PITPNC1: variants seen among roughly 807,000 people sequenced by gnomAD.
The protein encoded by PITPNC1 is cytoplasmic phosphatidylinositol transfer protein 1.
PITPNC1 carries 18 observed loss-of-function variants against 44.7 expected under a neutral mutation model. The ratio of observed to expected loss-of-function variants is 0.40; its 90% confidence interval spans 0.28 to 0.60. The LOEUF is 0.60. Ranked by LOEUF, PITPNC1 falls within the 20% of genes least tolerant of loss-of-function variation. The pLI, the probability that PITPNC1 is intolerant of heterozygous loss-of-function variation, is 0.39. For missense variants in PITPNC1, 290 were observed against 418.4 expected (o/e 0.69, Z 2.68); for synonymous variants, 141 against 149.6 (o/e 0.94, Z 0.42).
At chr17:67,659,196 G>T (rs1185653619) in intron 6 of PITPNC1, among the ~76,000 whole-genome samples, 1 of 152,114 alleles carries the variant, frequency 6.6e-6, no homozygotes, top group Non-Finnish European at 1.5e-5. Flanking sequence ...GATGTGTTTT[G>T]TTACCTGTTG....
chr17:67,439,011 GGCAGTA>G (rs1483334293), intron 1 of PITPNC1, among the ~76,000 whole-genome samples: 2 of 152,166 alleles, frequency 1.3e-5, no homozygotes, highest in Non-Finnish European at 2.9e-5. Context: ...AGGTCCAAAT[GGCAGTA>G]GCTTATTGGT....
intron 1 of PITPNC1, among the ~76,000 whole-genome samples, chr17:67,393,184 A>C (rs905312998): frequency 3.3e-5 from 5 of 151,986 alleles, no homozygotes; most frequent in African/African-American, 7.2e-5. Context: ...AACATTTGCC[A>C]TCTTAAAACT....
intron 1 of PITPNC1, among the ~76,000 whole-genome samples, chr17:67,432,247 T>C (rs568107438): frequency 1.3e-5 from 2 of 152,292 alleles, no homozygotes; most frequent in East Asian, 3.9e-4. Context: ...CCCAGCACTT[T>C]GGGAGGCCAA....
At chr17:67,388,179 A>G (rs368771211) in intron 1 of PITPNC1, among the ~76,000 whole-genome samples, 2 of 152,176 alleles carry the variant, frequency 1.3e-5, no homozygotes, top group East Asian at 3.8e-4. Context: ...ATTCTTTTGT[A>G]TTTAATACAT....
intron 1 of PITPNC1, among the ~76,000 whole-genome samples, chr17:67,401,413 T>C (rs2038309128): frequency 6.6e-6 from 1 of 152,172 alleles, no homozygotes. Context: ...CCTCTATGAT[T>C]TTCCACTTTG....
Position 67,568,729 on chromosome 17 carries a change from G to A in PITPNC1, c.295-9457G>A, listed in dbSNP as rs1015947556. Reference sequence around the variant, plus strand: ...GGGGGTGGGCTCCCAGAATATACCAGCTTACTGAAAGCGAGGCATCGGGAG... The same window carrying A: ...GGGGGTGGGCTCCCAGAATATACCAACTTACTGAAAGCGAGGCATCGGGAG... On this transcript the variant is annotated intron_variant, in intron 4 of 8. Coordinates refer to ENST00000581322, the MANE Select transcript of PITPNC1 (RefSeq NM_012417.4). 2.4e-4 allele frequency among the ~76,000 whole-genome samples: 36 copies of A among 152,030 alleles called. 1 individual carries two copies. The highest frequency in any genetic ancestry group is 8.7e-4 in the African/African-American group (36 of 41,368).
intron 5 of PITPNC1, among the ~76,000 whole-genome samples, chr17:67,595,591 C>G (rs1038741850): frequency 6.6e-6 from 1 of 152,102 alleles, no homozygotes; most frequent in Non-Finnish European, 1.5e-5. Context: ...CCATCTGCTC[C>G]CCTACTTGTA....
At chr17:67,691,480 C>T (rs945449191) in intron 8 of PITPNC1, among the ~76,000 whole-genome samples, 15 of 152,068 alleles carry the variant, frequency 9.9e-5, no homozygotes, top group African/African-American at 3.4e-4. Flanking sequence ...TTAAATGATC[C>T]TCTCCTTTCA....
At chr17:67,603,540 G>T (rs1177590546) in intron 5 of PITPNC1, among the ~76,000 whole-genome samples, 1 of 152,190 alleles carries the variant, frequency 6.6e-6, no homozygotes, top group East Asian at 1.9e-4. Context: ...CAGCTAGCAA[G>T]TGTCAGATCT....
intron 5 of PITPNC1, among the ~76,000 whole-genome samples, chr17:67,608,257 C>CA (rs763822573): frequency 0.038 from 4,762 of 124,372 alleles, 256 homozygotes; most frequent in African/African-American, 0.13. Flanking sequence ...CAAAAAAAAA[C>CA]AAAAAAAAAA....
At chr17:67,511,239 C>T (rs530870701) in intron 1 of PITPNC1, among the ~76,000 whole-genome samples, 6 of 152,086 alleles carry the variant, frequency 3.9e-5, no homozygotes, top group African/African-American at 1.4e-4. Flanking sequence ...ATTTATCTAA[C>T]GGATCCCATT....
intron 1 of PITPNC1, among the ~76,000 whole-genome samples, chr17:67,432,453 G>T (rs544293832): frequency 1.3e-5 from 2 of 152,116 alleles, no homozygotes; most frequent in African/African-American, 4.8e-5. Flanking sequence ...GCAGTGAGCC[G>T]AGATTGCACC....
chr17:67,686,015 G>A (rs575766999), intron 8 of PITPNC1, among the ~76,000 whole-genome samples: 6 of 151,888 alleles, frequency 4.0e-5, no homozygotes, highest in African/African-American at 1.5e-4. Context: ...ATTTTTAGTA[G>A]AGACGGTGTT....
intron 1 of PITPNC1, among the ~76,000 whole-genome samples, chr17:67,397,212 C>G (rs1355413444): frequency 6.6e-6 from 1 of 152,122 alleles, no homozygotes; most frequent in Admixed American, 6.6e-5. Context: ...AACTCCTGAC[C>G]TCAGGTAATC....
chr17:67,469,336 T>G (rs2039478574), intron 1 of PITPNC1, among the ~76,000 whole-genome samples: 1 of 152,166 alleles, frequency 6.6e-6, no homozygotes, highest in Non-Finnish European at 1.5e-5. Context: ...CATATCCCTG[T>G]GGTCTCCGTT....
intron 1 of PITPNC1, among the ~76,000 whole-genome samples, chr17:67,470,690 G>A (rs890588250): frequency 5.9e-5 from 9 of 152,294 alleles, no homozygotes; most frequent in South Asian, 2.1e-4. Context: ...CCACCACCCC[G>A]TCTGGGAGGT....
At chr17:67,622,364 G>A (rs909893943) in intron 5 of PITPNC1, among the ~76,000 whole-genome samples, 1 of 148,450 alleles carries the variant, frequency 6.7e-6, no homozygotes, top group African/African-American at 2.6e-5. Flanking sequence ...AAATACTCTT[G>A]GGTTGGATTG....
chr17:67,590,343 C>A (rs2041373756), intron 5 of PITPNC1, among the ~76,000 whole-genome samples: 1 of 152,194 alleles, frequency 6.6e-6, no homozygotes, highest in Non-Finnish European at 1.5e-5. Flanking sequence ...AGCACTCTGA[C>A]TATGTATCCT....
At chr17:67,536,129 G>A (rs1457165640) in intron 2 of PITPNC1, among the ~76,000 whole-genome samples, 2 of 152,172 alleles carry the variant, frequency 1.3e-5, no homozygotes, top group Non-Finnish European at 2.9e-5. Flanking sequence ...TTGAATGGAT[G>A]TAGGATGTTT....
Sources: gnomAD v4.1 joint callset for allele counts (sites outside exome capture counted in the v4.1 genomes callset) on GRCh38, gnomAD v4.1.1 for gene constraint, MANE v1.5 for transcripts, NCBI Gene and HGNC (gene_info 2026-07-23, HGNC 2026-07-21) for gene names.